The following BAIAP2L1 variants were observed in gnomAD, a reference collection of about 807,000 sequenced individuals.
BAIAP2L1 encodes the protein BAR/IMD domain-containing adapter protein 2-like 1.
BAIAP2L1 carries 35 observed loss-of-function variants against 66.3 expected under a neutral mutation model. The ratio of observed to expected loss-of-function variants is 0.53; its 90% CI spans 0.40 to 0.70. The LOEUF is 0.70. BAIAP2L1 is among the 30% of genes least tolerant of loss of function. The pLI, the probability that BAIAP2L1 is intolerant of heterozygous loss-of-function variation, is 0.00. For missense variants in BAIAP2L1, 622 were observed against 656.9 expected (o/e 0.95, Z 0.58); for synonymous variants, 269 against 248.7 (o/e 1.08, Z -0.77).
chr7:98,395,436 CAA>C (rs36036652), intron 1 of BAIAP2L1, among the ~76,000 whole-genome samples: 7 of 121,166 alleles, frequency 5.8e-5, no homozygotes, highest in Admixed American at 8.6e-5. Flanking sequence ...AAGACTGTCT[CAA>C]AAAAAAAAAA....
intron 11 of BAIAP2L1, among the ~76,000 whole-genome samples, chr7:98,304,756 C>T (rs1407309497): frequency 6.6e-6 from 1 of 151,850 alleles, no homozygotes; most frequent in Non-Finnish European, 1.5e-5. Flanking sequence ...ACCATATTGG[C>T]CAGGCTGGTC....
At chr7:98,294,203 G>C in intron 12 of BAIAP2L1, 92 bp from the exon 13 acceptor site, 1 of 1,398,474 alleles carries the variant, frequency 7.2e-7, no homozygotes, top group Non-Finnish European at 1.0e-6. Context: ...ATGTTGCCCA[G>C]GCTGGTTTCG....
At chr7:98,370,260 A>G (rs1212662212) in intron 1 of BAIAP2L1, among the ~76,000 whole-genome samples, 1 of 150,658 alleles carries the variant, frequency 6.6e-6, no homozygotes, top group Non-Finnish European at 1.5e-5. Flanking sequence ...TTGTAGTCCT[A>G]GCTATTCAGG....
At chr7:98,302,721 G>A (rs1268070283) in intron 12 of BAIAP2L1, among the ~76,000 whole-genome samples, 1 of 152,174 alleles carries the variant, frequency 6.6e-6, no homozygotes, top group Non-Finnish European at 1.5e-5. Flanking sequence ...AAGGCCTCAC[G>A]AGCCCTATCC....
intron 3 of BAIAP2L1, 97 bp from the exon 4 acceptor site, chr7:98,320,395 G>T: frequency 1.1e-6 from 1 of 926,240 alleles, no homozygotes; most frequent in Non-Finnish European, 1.7e-6. Context: ...GAGTGCAAAG[G>T]CACGATCTTG....
chr7:98,358,237 A>C (rs1157080537), intron 2 of BAIAP2L1, among the ~76,000 whole-genome samples: 1 of 152,252 alleles, frequency 6.6e-6, no homozygotes, highest in African/African-American at 2.4e-5. Context: ...AATTAACTTG[A>C]AAATTATAAA....
At chr7:98,296,258 A>G (rs928426013) in intron 12 of BAIAP2L1, among the ~76,000 whole-genome samples, 4 of 152,244 alleles carry the variant, frequency 2.6e-5, no homozygotes, top group African/African-American at 9.6e-5. Context: ...CCTGCTGGGT[A>G]TACGGAGTCA....
In BAIAP2L1 at chr7:98,310,597, G is replaced by A. The variant is rs777828564; in HGVS notation, c.808-5C>T. 1 of 1,555,962 alleles carries A rather than the reference G, an allele frequency of 6.4e-7. No homozygotes were observed. The highest frequency in any genetic ancestry group is 2.4e-5 in the East Asian group (1 of 42,328). On this transcript the variant is annotated splice_polypyrimidine_tract_variant and splice_region_variant and intron_variant, in intron 8 of 13. Transcript: ENST00000005260. ...GGTGTCGTAATCTTTCCTAACCTGT[G>A]AAAAATTCTTTATTAGTCCAATATT...
intron 1 of BAIAP2L1, among the ~76,000 whole-genome samples, chr7:98,366,074 A>G (rs1802383841): frequency 6.6e-6 from 1 of 152,142 alleles, no homozygotes; most frequent in Non-Finnish European, 1.5e-5. Flanking sequence ...TGGCCACTCT[A>G]CAGTCATCAG....
chr7:98,377,798 C>G (rs1046167637), intron 1 of BAIAP2L1, among the ~76,000 whole-genome samples: 1 of 110,786 alleles, frequency 9.0e-6, no homozygotes, highest in Non-Finnish European at 1.7e-5. Context: ...CCAGCCTGGG[C>G]GACAGAGTGA....
At chr7:98,372,631 G>A (rs931836051) in intron 1 of BAIAP2L1, among the ~76,000 whole-genome samples, 3 of 151,522 alleles carry the variant, frequency 2.0e-5, no homozygotes, top group Admixed American at 6.6e-5. Flanking sequence ...AATTAACCGA[G>A]TGACATCACA....
chr7:98,306,545 A>G (rs767352714), intron 10 of BAIAP2L1, 29 bp from the exon 11 acceptor site: 1 of 1,614,122 alleles, frequency 6.2e-7, no homozygotes, highest in Non-Finnish European at 8.5e-7. Context: ...AAAAGACCCT[A>G]TCAGCAGTAG....
At chr7:98,344,734 A>T (rs1801830845) in intron 3 of BAIAP2L1, among the ~76,000 whole-genome samples, 1 of 152,230 alleles carries the variant, frequency 6.6e-6, no homozygotes, top group Non-Finnish European at 1.5e-5. Context: ...CAGGAGTTTG[A>T]GACCAGCCTG....
intron 3 of BAIAP2L1, among the ~76,000 whole-genome samples, chr7:98,333,317 G>A (rs1234750270): frequency 6.6e-6 from 1 of 151,710 alleles, no homozygotes; most frequent in South Asian, 2.1e-4. Flanking sequence ...AGCACACTGG[G>A]CCAGGTGCGG....
rs774468240 is a variant in BAIAP2L1, at chr7:98,375,577, C to T, written c.52-13145G>A. ...CCAGCCTGACCAATATGGAGAAACC[C>T]CATCTCTACTAAAAATATAAAATTA... On this transcript the variant is annotated intron_variant, in intron 1 of 13. Coordinates refer to ENST00000005260, the MANE Select transcript of BAIAP2L1 (RefSeq NM_018842.5). 2.6e-5 allele frequency among the ~76,000 whole-genome samples: 4 copies of T among 151,214 alleles called. No homozygotes were observed. In the East Asian group the frequency reaches 7.8e-4, roughly 30 times the overall value.
At chr7:98,376,675 A>AAC (rs1554339628) in intron 1 of BAIAP2L1, among the ~76,000 whole-genome samples, 23 of 148,958 alleles carry the variant, frequency 1.5e-4, no homozygotes, top group East Asian at 4.0e-4. Context: ...AAAAAAAAAA[A>AAC]CACACAAAAA....
chr7:98,388,996 CCATT>C (rs1399300824), intron 1 of BAIAP2L1, among the ~76,000 whole-genome samples: 2 of 150,546 alleles, frequency 1.3e-5, no homozygotes, highest in African/African-American at 2.4e-5. Flanking sequence ...AAAAAACAAA[CCATT>C]CAAGTTTTAT....
chr7:98,345,430 A>C (rs1801847274), intron 3 of BAIAP2L1, among the ~76,000 whole-genome samples: 1 of 152,214 alleles, frequency 6.6e-6, no homozygotes, highest in Admixed American at 6.5e-5. Context: ...GGTCAGTAAG[A>C]ACATGAAAAG....
In BAIAP2L1 at chr7:98,292,285, T is replaced by C. The variant is rs1584403885; in HGVS notation, c.*1236A>G. ...GCGGCCGGGCTGGAGTGCAGCAGCA[T>C]GATCTGGCTCACTGCAACCTCTGCC... On this transcript the variant is annotated 3_prime_UTR_variant, in exon 14 of 14. Coordinates refer to ENST00000005260, the MANE Select transcript of BAIAP2L1 (RefSeq NM_018842.5). 9.9e-6 allele frequency: 3 copies of C among 304,198 alleles called. No homozygotes were observed. The East Asian group carries it at 2.5e-4, about 25-fold the overall frequency. The allele number at this position is 304,198 out of a possible 1,614,324, so 18.8% of individuals were successfully genotyped here.
Sources: allele counts gnomAD v4.1 joint callset (sites outside exome capture counted in the v4.1 genomes callset), GRCh38; gene constraint gnomAD v4.1.1; transcripts MANE v1.5; gene names NCBI Gene and HGNC (gene_info 2026-07-23, HGNC 2026-07-21).